Variants in ADGRF1 observed in about 807,000 individuals in gnomAD.
ADGRF1 encodes the protein adhesion G protein-coupled receptor F1, also known as G protein-coupled receptor 110.
ADGRF1 carries 85 observed loss-of-function variants against 87.2 expected under a neutral mutation model. The observed-to-expected ratio is 0.97, with a 90% CI of 0.82 to 1.17. The LOEUF is 1.17. Ranked by LOEUF, ADGRF1 falls within the 50% of genes most tolerant of loss-of-function variation. ADGRF1 has a pLI of 0.00. For missense variants in ADGRF1, 1,169 were observed against 1,077.2 expected (o/e 1.09, Z -1.19); for synonymous variants, 430 against 408.8 (o/e 1.05, Z -0.63).
At chr6:47,024,587 T>C (rs1231124645) in intron 4 of ADGRF1, among the ~76,000 whole-genome samples, 2 of 152,218 alleles carry the variant, frequency 1.3e-5, no homozygotes, top group Non-Finnish European at 2.9e-5. Context: ...GTGCTGGGAT[T>C]ACAGGCGTGA....
chr6:47,013,002 G>A (rs1278477363), intron 9 of ADGRF1: 3 of 879,598 alleles, frequency 3.4e-6, no homozygotes, highest in Non-Finnish European at 4.1e-6. Context: ...TTGAACTCTT[G>A]ACCTCATGAT....
At chr6:47,004,976 A>C (rs1056353632) in intron 13 of ADGRF1, among the ~76,000 whole-genome samples, 1 of 152,316 alleles carries the variant, frequency 6.6e-6, no homozygotes, top group Middle Eastern at 3.4e-3. Context: ...TTTTAATGCC[A>C]GAGGAAAATT....
Position 47,012,233 on chromosome 6 carries a change from C to T in ADGRF1, c.928-38G>A, listed in dbSNP as rs769283664. 1.9e-6 allele frequency: 3 copies of T among 1,595,680 alleles called. No homozygotes were observed. The African/African-American group carries it at 4.0e-5, about 21-fold the overall frequency. On this transcript the variant is annotated intron_variant, in intron 9 of 14. Coordinates refer to ENST00000371253, the MANE Select transcript of ADGRF1 (RefSeq NM_153840.4). ...ATGGTTAAGTTCTAGAAAACAATGACATGCTGTGTTTCATCAAATTTAAAT... is the reference window on the plus strand; with the variant it reads ...ATGGTTAAGTTCTAGAAAACAATGATATGCTGTGTTTCATCAAATTTAAAT...
intron 8 of ADGRF1, 126 bp downstream of exon 8, chr6:47,016,491 G>T (rs1389885858): frequency 2.9e-6 from 3 of 1,038,820 alleles, no homozygotes; most frequent in Admixed American, 2.8e-5. Context: ...CTGCCTGTTT[G>T]TGCTGAAAGG....
rs1406501697 is a variant in ADGRF1, at chr6:47,012,061, A to G, written c.1062T>C (p.Asn354=). 6.2e-7 allele frequency: 1 copy of G among 1,613,936 alleles called. No homozygotes were observed. The highest frequency in any genetic ancestry group is 1.3e-5 in the African/African-American group (1 of 74,904). The change falls in exon 10 of 15, where the codon AAT becomes AAC. Residue 354 remains asparagine (N), a synonymous_variant. Coordinates refer to ENST00000371253, the MANE Select transcript of ADGRF1 (RefSeq NM_153840.4). ...NLASVVSILS[N]ISSLSLASHF... is the part of the protein sequence containing the mutation. ...GGCTGGCCAGTGACAGAGATGAAAT[A>G]TTGCTCAGAATCGACACCACCGAAG...
rs1281618129 is a variant in ADGRF1, at chr6:47,009,577, A to T, written c.1858T>A (p.Ser620Thr). 5 of 1,614,110 alleles carry T rather than the reference A, an allele frequency of 3.1e-6. No homozygotes were observed. In the East Asian group the frequency reaches 1.1e-4, roughly 36 times the overall value. ...FWKQIKKSQT[S>T]HTRRICMVNI... ...ACCATGCAAATACGACGTGTGTGAG[A>T]GGTTTGGCTTTTTTTAATCTGCTTC... The change falls in exon 11 of 15, where the codon TCT (serine) becomes ACT (threonine). Residue 620 changes from serine to threonine, a missense_variant. Transcript: ENST00000371253.
chr6:47,023,398 G>A (rs1251585969), intron 5 of ADGRF1, among the ~76,000 whole-genome samples: 2 of 152,278 alleles, frequency 1.3e-5, no homozygotes, highest in East Asian at 3.9e-4. Context: ...ACCAATATCT[G>A]GGGCTTCCAG....
intron 1 of ADGRF1, among the ~76,000 whole-genome samples, chr6:47,036,481 G>C (rs939699255): frequency 2.0e-5 from 3 of 152,160 alleles, no homozygotes; most frequent in African/African-American, 7.2e-5. Flanking sequence ...GGAGTCCAAG[G>C]ATGGAAACAC....
chr6:47,032,159 GC>G (rs537512381), intron 1 of ADGRF1, among the ~76,000 whole-genome samples: 349 of 152,070 alleles, frequency 2.3e-3, no homozygotes, highest in Non-Finnish European at 4.1e-3. Context: ...CCTCCACTCC[GC>G]CCCCTCCTCC....
At position 47,009,414 on chromosome 6, in the gene ADGRF1, CAGA is replaced by C; in HGVS notation, c.2018_2020del (p.Phe673del). On this transcript the variant is annotated inframe_deletion, in exon 11 of 15. Transcript: ENST00000371253. ...CAGCAGGATGCCAAGCATGAGCATCCAGAAGAACAAAGAGAGGTAGAAGAAGTG... is the reference window on the plus strand; with the variant it reads ...CAGCAGGATGCCAAGCATGAGCATCCAGAACAAAGAGAGGTAGAAGAAGTG... 6.2e-7 allele frequency: 1 copy of C among 1,613,890 alleles called. No homozygotes were observed. Among genetic ancestry groups the C allele is most frequent in the Middle Eastern group, 1.6e-4 (1 of 6,062 alleles).
chr6:47,033,482 G>T (rs1444240255), intron 1 of ADGRF1, among the ~76,000 whole-genome samples: 2 of 152,168 alleles, frequency 1.3e-5, no homozygotes, highest in Non-Finnish European at 2.9e-5. Context: ...TCTAATCTTA[G>T]GCACAGTTGA....
intron 4 of ADGRF1, 44 bp downstream of exon 4, chr6:47,025,810 C>T (rs201313445): frequency 2.4e-5 from 37 of 1,513,630 alleles, no homozygotes; most frequent in Non-Finnish European, 3.2e-5. Context: ...ACTGATATAC[C>T]CGCCTTCCCC....
intron 1 of ADGRF1, among the ~76,000 whole-genome samples, chr6:47,035,779 C>T (rs942810302): frequency 7.2e-5 from 11 of 152,158 alleles, no homozygotes; most frequent in East Asian, 3.8e-4. Context: ...AAAGGAAGAA[C>T]GTACATTTCA....
At chr6:47,025,714 C>A (rs976211274) in intron 4 of ADGRF1, 140 bp downstream of exon 4, 2 of 787,974 alleles carry the variant, frequency 2.5e-6, no homozygotes, top group South Asian at 4.7e-5. Flanking sequence ...GGACATGTAG[C>A]ATGAAGAAGA....
chr6:47,018,680 G>C, intron 7 of ADGRF1: 1 of 1,029,736 alleles, frequency 9.7e-7, no homozygotes, highest in Admixed American at 2.4e-5. Context: ...GGGAGGCCAA[G>C]GTGTGTGGGT....
chr6:47,015,661 C>T lies in ADGRF1; in HGVS notation c.764-817G>A, dbSNP rs146705269. ...GGAGTTAAGTGGAGTGATCTCGGCTCACTGCAACCTCCACCTCCTGGGTTC... is the reference window on the plus strand; with the variant it reads ...GGAGTTAAGTGGAGTGATCTCGGCTTACTGCAACCTCCACCTCCTGGGTTC... On this transcript the variant is annotated intron_variant, in intron 8 of 14. Coordinates refer to ENST00000371253, the MANE Select transcript of ADGRF1 (RefSeq NM_153840.4). 3.6e-4 allele frequency among the ~76,000 whole-genome samples: 55 copies of T among 152,124 alleles called. 1 individual carries two copies. The East Asian group carries it at 9.3e-3, about 26-fold the overall frequency.
At chr6:47,024,272 G>T in intron 4 of ADGRF1, 55 bp from the exon 5 acceptor site, 1 of 1,209,756 alleles carries the variant, frequency 8.3e-7, no homozygotes, top group Non-Finnish European at 1.2e-6. Context: ...ACTGACTACT[G>T]CTGAGCAGTG....
intron 1 of ADGRF1, among the ~76,000 whole-genome samples, chr6:47,029,657 A>T (rs888533529): frequency 1.3e-5 from 2 of 152,260 alleles, no homozygotes; most frequent in Admixed American, 1.3e-4. Flanking sequence ...TGGTCACAAG[A>T]TTAATCACTT....
intron 1 of ADGRF1, among the ~76,000 whole-genome samples, chr6:47,040,493 A>G (rs7741213): frequency 2.0e-5 from 3 of 151,606 alleles, no homozygotes; most frequent in Non-Finnish European, 2.9e-5. Flanking sequence ...TAAAATAAAA[A>G]AAAAAACAGG....
Sources: allele counts gnomAD v4.1 joint callset (sites outside exome capture counted in the v4.1 genomes callset), GRCh38; gene constraint gnomAD v4.1.1; transcripts MANE v1.5; gene names NCBI Gene and HGNC (gene_info 2026-07-23, HGNC 2026-07-21).